Variants in MARK4 observed in about 807,000 individuals in gnomAD.
The protein encoded by MARK4 is MAP/microtubule affinity-regulating kinase 4.
MARK4 carries 19 observed loss-of-function variants against 81.5 expected under a neutral mutation model. The ratio of observed to expected loss-of-function variants is 0.23; its 90% confidence interval spans 0.16 to 0.34. The LOEUF is 0.34. Ranked by LOEUF, MARK4 falls within the 10% of genes least tolerant of loss-of-function variation. The probability of loss-of-function intolerance (pLI) is 1.00; values close to 1 mark genes in which losing one functional copy is unlikely to be tolerated. For missense variants in MARK4, 772 were observed against 1,058.8 expected, an observed-to-expected ratio of 0.73 and a Z score of 3.76; for synonymous variants, 436 against 439.0, an observed-to-expected ratio of 0.99 and a Z score of 0.08.
intron 14 of MARK4, among the ~76,000 whole-genome samples, chr19:45,296,628 T>C (rs1294069237): frequency 6.6e-6 from 1 of 152,252 alleles, no homozygotes; most frequent in Non-Finnish European, 1.5e-5. Context: ...GTGCTCATAC[T>C]CTTAGGGGTT....
chr19:45,299,875 CCT>C lies in MARK4; in HGVS notation c.1922+21_1922+22del. 1.9e-6 allele frequency: 3 copies of C among 1,586,460 alleles called. No individual in the cohort carries two copies. The highest frequency in any genetic ancestry group is 2.6e-6 in the Non-Finnish European group (3 of 1,161,718). On this transcript the variant is annotated intron_variant, in intron 16 of 16. Transcript: ENST00000262891. Reference sequence around the variant, plus strand: ...CACAAGGTGAGTGCTTGGGCCTACCCCTGACTGCCACTTCCCCTCTCCTGCCT... The same window carrying C: ...CACAAGGTGAGTGCTTGGGCCTACCCGACTGCCACTTCCCCTCTCCTGCCT...
intron 1 of MARK4, among the ~76,000 whole-genome samples, chr19:45,257,210 G>A (rs959114755): frequency 5.3e-5 from 8 of 151,722 alleles, no homozygotes; most frequent in African/African-American, 1.5e-4. Flanking sequence ...CGATCCTCCC[G>A]CCTTGTCAAT....
At chr19:45,298,077 G>C (rs933144873) in intron 15 of MARK4, 123 bp downstream of exon 15, 23 of 1,426,732 alleles carry the variant, frequency 1.6e-5, no homozygotes, top group Middle Eastern at 2.2e-4. Context: ...CCTCCTCCTC[G>C]TTTCCTCCTC....
chr19:45,252,449 G>A (rs141266444), intron 1 of MARK4, among the ~76,000 whole-genome samples: 127 of 152,024 alleles, frequency 8.4e-4, no homozygotes, highest in African/African-American at 2.8e-3. Flanking sequence ...GGCCTCATCC[G>A]CCCTCTATCA....
rs1970522451 is a variant in MARK4, at chr19:45,271,213, G to C, written c.550-259G>C. Among the ~76,000 whole-genome samples the C allele has an allele frequency of 6.6e-6, 1 of 152,154 alleles. No individual in the cohort carries two copies. The highest frequency in any genetic ancestry group is 2.4e-5 in the African/African-American group (1 of 41,432). ...GAGCCACTATGTCTGGCCTGTGCTA[G>C]GTTTTCTATGTGGATTAACTCATAA... On this transcript the variant is annotated intron_variant, in intron 7 of 16. Coordinates refer to ENST00000262891, the MANE Select transcript of MARK4 (RefSeq NM_001199867.2). This position sits in a 1 kb window ranked among gnomAD's most constrained non-coding sequence, Gnocchi z 4.1.
intron 13 of MARK4, among the ~76,000 whole-genome samples, chr19:45,293,397 A>G (rs1970843879): frequency 6.6e-6 from 1 of 152,262 alleles, no homozygotes; most frequent in Non-Finnish European, 1.5e-5. Context: ...AAAGATAGTA[A>G]GATGATATTA....
chr19:45,262,004 G>C (rs1395699619), intron 2 of MARK4, among the ~76,000 whole-genome samples: 2 of 152,032 alleles, frequency 1.3e-5, no homozygotes, highest in Non-Finnish European at 1.5e-5. Flanking sequence ...TCCTCCCCAT[G>C]ATGTATCTCA....
rs144086640 is a variant in MARK4, at chr19:45,294,407, C to T, written c.1553C>T (p.Pro518Leu). The change falls in exon 14 of 17, where the codon CCG becomes CTG. Residue 518 changes from proline (P) to leucine (L), a missense_variant. Around this residue, in one of 3 missense-constraint regions of MARK4, gnomAD observed 548 missense variants for 624.3 expected, o/e 0.88. Transcript: ENST00000262891. ...AACACCTACGTTTGCACAGAACGCC[C>T]GGGGGCTGAGCGCCCGTCACTGTTG... ...RRNTYVCTERPGAERPSLLPN... is the reference protein window; with the variant it reads ...RRNTYVCTERLGAERPSLLPN... 1.0e-3 allele frequency: 1,616 copies of T among 1,614,074 alleles called. 3 individuals are homozygous for T. Among genetic ancestry groups the T allele is most frequent in the Middle Eastern group, 3.1e-3 (19 of 6,062 alleles).
chr19:45,300,712 C>G (rs1368980422), intron 16 of MARK4, among the ~76,000 whole-genome samples: 1 of 152,138 alleles, frequency 6.6e-6, no homozygotes, highest in African/African-American at 2.4e-5. Flanking sequence ...AAGTGGAAAC[C>G]GGAGCCTTCC....
chr19:45,272,955 C>T (rs1360611640), intron 8 of MARK4, among the ~76,000 whole-genome samples: 1 of 152,146 alleles, frequency 6.6e-6, no homozygotes, highest in South Asian at 2.1e-4. Context: ...TAAAAGCCAT[C>T]GAATTGTGCA....
intron 16 of MARK4, among the ~76,000 whole-genome samples, chr19:45,301,447 C>T (rs1359478724): frequency 6.7e-6 from 1 of 149,288 alleles, no homozygotes; most frequent in East Asian, 2.0e-4. Flanking sequence ...CTCCCAGCTA[C>T]TTGGGAAGCT....
At chr19:45,292,164 A>T (rs929957190) in intron 13 of MARK4, among the ~76,000 whole-genome samples, 1 of 151,936 alleles carries the variant, frequency 6.6e-6, no homozygotes, top group African/African-American at 2.4e-5. Context: ...AGAGCTGGAC[A>T]TGGTGGCACA....
intron 16 of MARK4, among the ~76,000 whole-genome samples, chr19:45,301,635 C>G (rs561165469): frequency 2.1e-4 from 31 of 146,188 alleles, no homozygotes; most frequent in African/African-American, 7.6e-4. Flanking sequence ...TCGAGGCGGG[C>G]AGATCACAAG....
intron 8 of MARK4, among the ~76,000 whole-genome samples, chr19:45,272,935 G>A (rs955334025): frequency 1.3e-5 from 2 of 152,122 alleles, no homozygotes; most frequent in Admixed American, 6.6e-5. Flanking sequence ...GTGCAACTCC[G>A]TGCATATACT....
chr19:45,278,703 A>G (rs1970634113), intron 10 of MARK4, 88 bp downstream of exon 10: 2 of 1,002,580 alleles, frequency 2.0e-6, no homozygotes, highest in Non-Finnish European at 3.1e-6. Context: ...TCCCAGAATC[A>G]AGAGATTCTT....
At chr19:45,297,045 T>C (rs1024331310) in intron 14 of MARK4, among the ~76,000 whole-genome samples, 3 of 109,824 alleles carry the variant, frequency 2.7e-5, no homozygotes, top group Admixed American at 8.7e-5. Flanking sequence ...TGAGACTCTG[T>C]CTCAAAAAAA....
At chr19:45,299,297 G>A (rs761476746) in intron 15 of MARK4, among the ~76,000 whole-genome samples, 1 of 152,064 alleles carries the variant, frequency 6.6e-6, no homozygotes, top group Non-Finnish European at 1.5e-5. Context: ...TGTGGCACGC[G>A]CCTGTAGTCC....
chr19:45,259,304 T>C, intron 2 of MARK4, 115 bp downstream of exon 2: 2 of 1,130,574 alleles, frequency 1.8e-6, no homozygotes, highest in Non-Finnish European at 2.5e-6. Flanking sequence ...TCAGGTAAGT[T>C]CCCGACTCTC....
chr19:45,287,709 G>C (rs1426264816), intron 13 of MARK4, 45 bp downstream of exon 13: 1 of 1,575,170 alleles, frequency 6.3e-7, no homozygotes, highest in East Asian at 2.3e-5. Context: ...CGCCACCTGG[G>C]CCACATTCCT....
Sources: allele counts gnomAD v4.1 joint callset (sites outside exome capture counted in the v4.1 genomes callset), GRCh38; gene constraint gnomAD v4.1.1; regional missense constraint gnomAD v4.1.1; non-coding constraint Gnocchi (gnomAD v3.1); transcripts MANE v1.5; gene names NCBI Gene and HGNC (gene_info 2026-07-23, HGNC 2026-07-21).